GLRA2: variants seen among roughly 807,000 people sequenced by gnomAD.
GLRA2 encodes the protein glycine receptor alpha 2.
A neutral mutation model predicts 31.6 loss-of-function variants in GLRA2; 11 were observed. That is an observed-to-expected ratio of 0.35 (90% CI 0.22 to 0.58). GLRA2 has a LOEUF of 0.58. Among genes scored for constraint, GLRA2 ranks in the 20% least tolerant of loss-of-function variants. The pLI is 0.84. For synonymous variants in GLRA2, 132 were observed against 134.0 expected (o/e 0.99, Z 0.10); for missense variants, 212 against 351.8 (o/e 0.60, Z 3.18).
chrX:14,480,408 T>A, the GLRA2 span, among the ~76,000 whole-genome samples: 1 of 111,976 alleles, frequency 8.9e-6, no homozygotes, highest in Non-Finnish European at 1.9e-5. Context: ...TTGCAATTGC[T>A]TTTGAGGACT....
chrX:14,716,344 A>C (rs1320710174), intron 8 of GLRA2, among the ~76,000 whole-genome samples: 1 of 111,776 alleles, frequency 8.9e-6, no homozygotes, highest in Non-Finnish European at 1.9e-5. Flanking sequence ...TCTAGGTTAT[A>C]GTAAAGATGT....
intron 7 of GLRA2, among the ~76,000 whole-genome samples, chrX:14,638,902 T>C (rs2090744249): frequency 3.6e-5 from 4 of 111,292 alleles, no homozygotes; most frequent in African/African-American, 1.3e-4. Flanking sequence ...AATACCATAA[T>C]GTGCTTAGAA....
In GLRA2 at chrX:14,688,768, C is replaced by T. The variant is rs954706122; in HGVS notation, c.931-1942C>T. Among the ~76,000 whole-genome samples, 4 of 110,140 alleles carry T rather than the reference C, an allele frequency of 3.6e-5. No homozygotes were observed. The Admixed American group carries it at 3.8e-4, about 11-fold the overall frequency. On this transcript the variant is annotated intron_variant, in intron 7 of 8. Transcript: ENST00000218075. ...GCTTCCCGGGTGAGGCAATGCCTCA[C>T]CCTGGTCCGGCTCACGCTCGGTGGG...
chrX:14,510,180 G>A, the GLRA2 span, among the ~76,000 whole-genome samples: 9 of 111,355 alleles, frequency 8.1e-5, no homozygotes, highest in East Asian at 2.8e-4. Flanking sequence ...GCAGGGAGCC[G>A]TTACTGTCCT....
chrX:14,500,182 C>G, the GLRA2 span, among the ~76,000 whole-genome samples: 1 of 112,092 alleles, frequency 8.9e-6, no homozygotes, highest in African/African-American at 3.2e-5. Context: ...AAGGAGACAT[C>G]AAATCTGAGT....
chrX:14,627,488 A>G (rs2090601046), intron 7 of GLRA2, among the ~76,000 whole-genome samples: 2 of 111,589 alleles, frequency 1.8e-5, no homozygotes, highest in Admixed American at 1.9e-4. Context: ...TTTAAAATGT[A>G]TGTCCTCCAT....
At chrX:14,466,668 C>A in the GLRA2 span, among the ~76,000 whole-genome samples, 1 of 111,662 alleles carries the variant, frequency 9.0e-6, no homozygotes, top group Middle Eastern at 4.6e-3. Flanking sequence ...CTTCTAAATG[C>A]ATGGAAAAAG....
At chrX:14,722,823 G>A (rs1341515873) in intron 8 of GLRA2, among the ~76,000 whole-genome samples, 1 of 111,924 alleles carries the variant, frequency 8.9e-6, no homozygotes, top group Non-Finnish European at 1.9e-5. Flanking sequence ...ACTCCATAAA[G>A]CTTCCTTTGG....
intron 8 of GLRA2, among the ~76,000 whole-genome samples, chrX:14,717,757 A>C (rs922074850): frequency 4.6e-5 from 5 of 108,398 alleles, no homozygotes; most frequent in South Asian, 8.0e-4. Context: ...AAAAAAAAAA[A>C]CCCATCGGTC....
intron 2 of GLRA2, among the ~76,000 whole-genome samples, chrX:14,564,154 ATAT>A (rs1334553174): frequency 1.8e-5 from 2 of 111,564 alleles, no homozygotes; most frequent in African/African-American, 6.5e-5. Context: ...ACACTGAGAC[ATAT>A]TATAATCAAA....
upstream of GLRA2, chrX:14,529,175 C>T (rs965753404): frequency 9.1e-6 from 1 of 110,404 alleles, no homozygotes; most frequent in African/African-American, 3.3e-5. Flanking sequence ...ACTCTGAATC[C>T]TGTTCTCTGT....
chrX:14,584,486 CTG>C (rs1367597753), intron 4 of GLRA2, among the ~76,000 whole-genome samples: 1 of 111,729 alleles, frequency 9.0e-6, no homozygotes, highest in Non-Finnish European at 1.9e-5. Flanking sequence ...TTTGACAACT[CTG>C]TATATGATTT....
chrX:14,579,855 A>G (rs1249017152), intron 3 of GLRA2, among the ~76,000 whole-genome samples: 1 of 112,526 alleles, frequency 8.9e-6, no homozygotes, highest in Non-Finnish European at 1.9e-5. Context: ...GATCATCAGG[A>G]TGAATGTATT....
intron 2 of GLRA2, among the ~76,000 whole-genome samples, chrX:14,546,508 C>T (rs2147018813): frequency 9.0e-6 from 1 of 111,287 alleles, no homozygotes; most frequent in African/African-American, 3.3e-5. Context: ...AAAAAGATTT[C>T]CTTGGCAAAA....
the GLRA2 span, among the ~76,000 whole-genome samples, chrX:14,450,441 G>T: frequency 2.4e-3 from 273 of 111,534 alleles, no homozygotes; most frequent in African/African-American, 8.5e-3. Context: ...ATTGTAGGGG[G>T]CTCTGCCTAG....
At chrX:14,506,364 G>C in the GLRA2 span, among the ~76,000 whole-genome samples, 1 of 110,325 alleles carries the variant, frequency 9.1e-6, no homozygotes, top group African/African-American at 3.3e-5. Context: ...TTTTTGCCTT[G>C]CATCCTCGCT....
At position 14,664,811 on chromosome X, in the gene GLRA2, C is replaced by A. The variant is rs1425424492; in HGVS notation, c.931-25899C>A. 3.6e-5 allele frequency among the ~76,000 whole-genome samples: 4 copies of A among 111,658 alleles called. No individual in the cohort carries two copies. In the East Asian group the frequency reaches 1.1e-3, roughly 31 times the overall value. The stretch of plus-strand genomic sequence containing the variant: ...TTAGAATTTCTCTTTAAAGAGAAGG[C>A]TGGAGGGGAGGGGTCAGGGAAGGAG... On this transcript the variant is annotated intron_variant, in intron 7 of 8. Transcript: ENST00000218075.
intron 8 of GLRA2, among the ~76,000 whole-genome samples, chrX:14,695,144 T>C (rs2091425042): frequency 9.8e-6 from 1 of 102,446 alleles, no homozygotes; most frequent in Non-Finnish European, 2.1e-5. Flanking sequence ...AGATTACACA[T>C]TGAGATAACA....
At chrX:14,644,261 G>A (rs1278392789) in intron 7 of GLRA2, among the ~76,000 whole-genome samples, 1 of 111,648 alleles carries the variant, frequency 9.0e-6, no homozygotes, top group Non-Finnish European at 1.9e-5. Flanking sequence ...AAATAGTGCT[G>A]TTTTCCAAAG....
Sources: allele counts gnomAD v4.1 joint callset (sites outside exome capture counted in the v4.1 genomes callset), GRCh38; gene constraint gnomAD v4.1.1; transcripts MANE v1.5; gene names NCBI Gene and HGNC (gene_info 2026-07-23, HGNC 2026-07-21).